Variants in GSDME observed in about 807,000 individuals in gnomAD.
GSDME encodes the protein gasdermin-E.
Under a neutral mutation model 47.5 loss-of-function variants are expected in GSDME, and 44 were observed. The ratio of observed to expected loss-of-function variants is 0.93; its 90% CI spans 0.73 to 1.19. The LOEUF (loss-of-function observed/expected upper bound fraction) is 1.19, where lower values mean the gene tolerates loss of function less well. Among genes scored for constraint, GSDME ranks in the 50% most tolerant of loss-of-function variants. GSDME has a pLI of 0.00. For synonymous variants in GSDME, 258 were observed against 252.8 expected, an observed-to-expected ratio of 1.02 and a Z score of -0.20; for missense variants, 663 against 604.2, an observed-to-expected ratio of 1.10 and a Z score of -1.02.
intron 4 of GSDME, among the ~76,000 whole-genome samples, chr7:24,718,170 C>T (rs1445043732): frequency 6.6e-6 from 1 of 152,230 alleles, no homozygotes; most frequent in Non-Finnish European, 1.5e-5. Context: ...GCGCCTCCCT[C>T]GCTGCTACCC....
At chr7:24,753,408 C>G (rs1186746708) in intron 1 of GSDME, among the ~76,000 whole-genome samples, 2 of 152,178 alleles carry the variant, frequency 1.3e-5, no homozygotes, top group African/African-American at 4.8e-5. Flanking sequence ...TTTTACTTGT[C>G]CCATGTTGCT....
chr7:24,764,504 G>C, the GSDME span, among the ~76,000 whole-genome samples: 19,894 of 152,170 alleles, frequency 0.13, 1,411 homozygotes, highest in Middle Eastern at 0.2. This position sits in a 1 kb window ranked among gnomAD's most constrained non-coding sequence, Gnocchi z 4.4. Context: ...TGGGCACACA[G>C]GGACTTCAGA....
In GSDME at chr7:24,699,163, A is replaced by G; in HGVS notation, c.1354T>C (p.Phe452Leu). 6.2e-7 allele frequency: 1 copy of G among 1,614,232 alleles called. No homozygotes were observed. Among genetic ancestry groups the G allele is most frequent in the Non-Finnish European group, 8.5e-7 (1 of 1,180,040 alleles). ...TERFGIVQRLFASADISLERL... is the reference protein window; with the variant it reads ...TERFGIVQRLLASADISLERL... ...TCCAGACTAATGTCAGCTGAGGCAAACAAGCGCTGCACAATCCCAAACCTT... is the reference window on the plus strand; with the variant it reads ...TCCAGACTAATGTCAGCTGAGGCAAGCAAGCGCTGCACAATCCCAAACCTT... Residue 452 changes from phenylalanine (F) to leucine (L), a missense_variant, in exon 10 of 10, where the codon TTT becomes CTT. Coordinates refer to ENST00000645220, the MANE Select transcript of GSDME (RefSeq NM_001127453.2).
the GSDME span, among the ~76,000 whole-genome samples, chr7:24,770,065 C>G: frequency 1.3e-5 from 2 of 152,100 alleles, no homozygotes; most frequent in African/African-American, 4.8e-5. This position sits in a 1 kb window ranked among gnomAD's most constrained non-coding sequence, Gnocchi z 4.6. Flanking sequence ...TGGGACTTGT[C>G]CCAGAAAGAC....
At chr7:24,747,917 C>T (rs1478445298) in intron 2 of GSDME, among the ~76,000 whole-genome samples, 1 of 152,066 alleles carries the variant, frequency 6.6e-6, no homozygotes, top group Non-Finnish European at 1.5e-5. Flanking sequence ...ATCCGCCCAC[C>T]TCGGCCTCCC....
At chr7:24,741,743 G>A (rs576951296) in intron 3 of GSDME, among the ~76,000 whole-genome samples, 4 of 152,100 alleles carry the variant, frequency 2.6e-5, no homozygotes, top group African/African-American at 9.7e-5. Flanking sequence ...TATCAACAAC[G>A]CCTTATCAAT....
intron 5 of GSDME, among the ~76,000 whole-genome samples, chr7:24,713,415 C>T (rs1470145880): frequency 2.0e-5 from 3 of 152,206 alleles, no homozygotes; most frequent in African/African-American, 4.8e-5. Flanking sequence ...CTTCTGTCAT[C>T]TTTTCAAATT....
At chr7:24,777,003 A>C in the GSDME span, among the ~76,000 whole-genome samples, 2 of 151,926 alleles carry the variant, frequency 1.3e-5, no homozygotes, top group South Asian at 4.2e-4. Context: ...AGTTCTATAA[A>C]TAATATAATT....
Position 24,706,460 on chromosome 7 carries a change from G to A in GSDME, c.991-84C>T, listed in dbSNP as rs1461903141. On this transcript the variant is annotated intron_variant, in intron 7 of 9. Coordinates refer to ENST00000645220, the MANE Select transcript of GSDME (RefSeq NM_001127453.2). The stretch of plus-strand genomic sequence containing the variant: ...GGGCCTCCGCTCACAGTACACACAA[G>A]CCCCAGCCCTTCCCACTCCCCCGAG... 2.9e-6 allele frequency: 4 copies of A among 1,362,906 alleles called. No individual in the cohort carries two copies. The African/African-American group carries it at 4.3e-5, about 15-fold the overall frequency. 84.4% of individuals were successfully genotyped at this position (1,362,906 alleles called of 1,614,324 possible).
intron 5 of GSDME, chr7:24,715,451 T>C (rs570372808): frequency 2.1e-6 from 1 of 470,938 alleles, no homozygotes; most frequent in Non-Finnish European, 4.4e-6. Context: ...AATCATCACT[T>C]GTACATCTTG....
chr7:24,786,657 G>A, the GSDME span, among the ~76,000 whole-genome samples: 4 of 152,168 alleles, frequency 2.6e-5, no homozygotes, highest in East Asian at 1.9e-4. This position sits in a 1 kb window ranked among gnomAD's most constrained non-coding sequence, Gnocchi z 5.5. Flanking sequence ...ACTGAAGTTC[G>A]AACTTTGTTT....
At chr7:24,730,456 G>A (rs1460752442) in intron 3 of GSDME, among the ~76,000 whole-genome samples, 3 of 152,188 alleles carry the variant, frequency 2.0e-5, no homozygotes, top group African/African-American at 7.2e-5. Flanking sequence ...GAAGAAAATA[G>A]TACTTGAATG....
chr7:24,751,230 A>T (rs1790848847), intron 1 of GSDME, among the ~76,000 whole-genome samples: 2 of 152,228 alleles, frequency 1.3e-5, no homozygotes, highest in Non-Finnish European at 2.9e-5. Flanking sequence ...CAATACACAA[A>T]TTGCACATAG....
intron 4 of GSDME, 151 bp from the exon 5 acceptor site, chr7:24,717,525 G>A (rs1490717613): frequency 1.6e-6 from 2 of 1,266,388 alleles, no homozygotes; most frequent in African/African-American, 3.0e-5. Flanking sequence ...CAGCATGGGG[G>A]ATGGGGGGAT....
In GSDME at chr7:24,739,031, A is replaced by G. The variant is rs1790401263; in HGVS notation, c.404+5531T>C. 1.3e-5 allele frequency among the ~76,000 whole-genome samples: 2 copies of G among 152,326 alleles called. No individual in the cohort carries two copies. Among genetic ancestry groups the G allele is most frequent in the East Asian group, 1.9e-4 (1 of 5,192 alleles). On this transcript the variant is annotated intron_variant, in intron 3 of 9. Coordinates refer to ENST00000645220, the MANE Select transcript of GSDME (RefSeq NM_001127453.2). The surrounding 1 kb of genome is among the most constrained non-coding windows in gnomAD (Gnocchi z 5.1). The stretch of plus-strand genomic sequence containing the variant: ...TAAGACCTCAAACTATGAAACTACT[A>G]TAAGAAAACACGAGGGAAACTCTCT...
At chr7:24,759,844 A>G (rs1791139288), upstream of GSDME, among the ~76,000 whole-genome samples, 1 of 152,230 alleles carries the variant, frequency 6.6e-6, no homozygotes, top group South Asian at 2.1e-4. Flanking sequence ...TGGTGGGGGG[A>G]TGAAAAGGTT....
intron 8 of GSDME, chr7:24,704,302 C>T (rs2128046791): frequency 6.6e-6 from 1 of 152,298 alleles, no homozygotes; most frequent in Non-Finnish European, 1.5e-5. Context: ...CTTAAGGTTA[C>T]AAAATAGTGG....
chr7:24,740,339 A>T (rs1299555672), intron 3 of GSDME, among the ~76,000 whole-genome samples: 3 of 152,066 alleles, frequency 2.0e-5, no homozygotes, highest in Non-Finnish European at 4.4e-5. Flanking sequence ...TCCAATAAAA[A>T]TAGAAAGAAT....
chr7:24,788,141 A>C, the GSDME span, among the ~76,000 whole-genome samples: 1 of 152,234 alleles, frequency 6.6e-6, no homozygotes, highest in Non-Finnish European at 1.5e-5. This position sits in a 1 kb window ranked among gnomAD's most constrained non-coding sequence, Gnocchi z 4.6. Context: ...AAACACTCAG[A>C]CATGAACTAT....
Sources: gnomAD v4.1 joint callset for allele counts (sites outside exome capture counted in the v4.1 genomes callset) on GRCh38, gnomAD v4.1.1 for gene constraint, Gnocchi (gnomAD v3.1) non-coding constraint, MANE v1.5 for transcripts, NCBI Gene and HGNC (gene_info 2026-07-23, HGNC 2026-07-21) for gene names.